PCDH15: variants seen among roughly 807,000 people sequenced by gnomAD.
The protein encoded by PCDH15 is protocadherin related 15, also known as protocadherin-15.
A neutral mutation model predicts 178.5 loss-of-function variants in PCDH15; 129 were observed. That is an observed-to-expected ratio of 0.72 (90% CI 0.63 to 0.84). The LOEUF (loss-of-function observed/expected upper bound fraction) is 0.84, where lower values mean the gene tolerates loss of function less well. Ranked by LOEUF, PCDH15 falls within the 40% of genes least tolerant of loss-of-function variation. PCDH15 has a pLI of 0.00. For synonymous variants in PCDH15, 800 were observed against 732.0 expected (o/e 1.09, Z -1.50); for missense variants, 2,230 against 2,099.9 (o/e 1.06, Z -1.21).
rs142063597 is a variant in PCDH15 at position 54,082,717 on chromosome 10, C to T, written c.1998-3293G>A. ...ATTCTTAGATATGACACCAGATGCA[C>T]GGGAAGCAAAGGAAAAAATAGATAT... On this transcript the variant is annotated intron_variant, in intron 16 of 37. Transcript: ENST00000644397. Among the ~76,000 whole-genome samples, 292 of 149,678 alleles carry T rather than the reference C, an allele frequency of 2.0e-3. 1 individual carries two copies. The highest frequency in any genetic ancestry group is 6.9e-3 in the African/African-American group (280 of 40,676).
intron 1 of PCDH15, among the ~76,000 whole-genome samples, chr10:55,204,978 T>C (rs923523323): frequency 1.4e-4 from 21 of 152,076 alleles, no homozygotes; most frequent in Admixed American, 8.5e-4. Flanking sequence ...CAGATTTTTC[T>C]ACACAAATTT....
intron 2 of PCDH15, among the ~76,000 whole-genome samples, chr10:55,013,340 A>AT (rs1420354641): frequency 1.3e-5 from 2 of 148,374 alleles, no homozygotes; most frequent in Admixed American, 6.7e-5. Context: ...TGTGTTGCCA[A>AT]TTTTTCCTAA....
upstream of PCDH15, among the ~76,000 whole-genome samples, chr10:54,802,235 T>C (rs916752205): frequency 6.6e-6 from 1 of 152,170 alleles, no homozygotes; most frequent in African/African-American, 2.4e-5. Flanking sequence ...CCTCCAGAAA[T>C]GTTGCCGTAT....
chr10:54,665,555 T>C (rs1011005640), intron 1 of PCDH15, among the ~76,000 whole-genome samples: 5 of 152,072 alleles, frequency 3.3e-5, no homozygotes, highest in Non-Finnish European at 5.9e-5. Flanking sequence ...TATTTAATAA[T>C]GTTTATTTGT....
At chr10:53,964,734 C>T (rs543117927) in intron 21 of PCDH15, among the ~76,000 whole-genome samples, 61 of 151,988 alleles carry the variant, frequency 4.0e-4, no homozygotes, top group African/African-American at 1.4e-3. Flanking sequence ...GTCAGTTCAC[C>T]CACTGAAGAT....
At chr10:54,366,677 A>ATT (rs199665450) in intron 5 of PCDH15, among the ~76,000 whole-genome samples, 7 of 99,010 alleles carry the variant, frequency 7.1e-5, no homozygotes, top group African/African-American at 3.0e-4. Context: ...CTAAATTTCT[A>ATT]TTTTTTTTTT....
At chr10:53,828,299 T>C (rs2076825219) in intron 31 of PCDH15, among the ~76,000 whole-genome samples, 2 of 151,290 alleles carry the variant, frequency 1.3e-5, no homozygotes, top group African/African-American at 4.8e-5. Flanking sequence ...TTGGATTTCC[T>C]GGACACTGAT....
In PCDH15 at chr10:54,153,133, T is replaced by A. The variant is rs767293097; in HGVS notation, c.1751A>T (p.Gln584Leu). 6 of 1,613,900 alleles carry A rather than the reference T, an allele frequency of 3.7e-6. No homozygotes were observed. In the South Asian group the frequency reaches 6.6e-5, roughly 18 times the overall value. ...TGCAGGAGGAGCATTATCCGCTGCT[T>A]GGACCGTGAGTGCGTAAGTCCGCCC... ...IVGRTYALTVQAADNAPPAER... is the reference protein window; with the variant it reads ...IVGRTYALTVLAADNAPPAER... Residue 584 changes from glutamine (Q) to leucine (L), a missense_variant, in exon 14 of 38, where the codon CAA becomes CTA. Physicochemically the swap from Gln to Leu is moderately radical, Grantham distance 113. Coordinates refer to ENST00000644397, the MANE Select transcript of PCDH15 (RefSeq NM_001384140.1).
chr10:55,472,679 C>T (rs1839986047), intron 2 of PCDH15, among the ~76,000 whole-genome samples: 2 of 152,180 alleles, frequency 1.3e-5, no homozygotes, highest in South Asian at 4.1e-4. Context: ...CGCCATTCTC[C>T]TGCCTCATCC....
At chr10:55,244,132 A>T (rs1347716895) in intron 1 of PCDH15, among the ~76,000 whole-genome samples, 1 of 152,088 alleles carries the variant, frequency 6.6e-6, no homozygotes, top group Non-Finnish European at 1.5e-5. Flanking sequence ...ATCTGGACCA[A>T]AATGGAATGT....
At chr10:54,399,115 T>C (rs1010661341) in intron 3 of PCDH15, among the ~76,000 whole-genome samples, 2 of 152,048 alleles carry the variant, frequency 1.3e-5, no homozygotes, top group African/African-American at 2.4e-5. Flanking sequence ...CATTTTCTTT[T>C]TAGAAACCAT....
intron 2 of PCDH15, among the ~76,000 whole-genome samples, chr10:55,626,949 A>G (rs542268831): frequency 6.6e-6 from 1 of 152,310 alleles, no homozygotes; most frequent in Admixed American, 6.5e-5. Context: ...ATGGAAAGAA[A>G]GAAAATGAGA....
chr10:55,582,628 A>ATATATATTTTTTTTTTT (rs780312007), intron 2 of PCDH15, among the ~76,000 whole-genome samples: 3 of 69,042 alleles, frequency 4.3e-5, no homozygotes, highest in Non-Finnish European at 7.4e-5. Context: ...ATATATATAT[A>ATATATATTTTTTTTTTT]TTTTTTTTTT....
At chr10:55,474,875 C>T (rs1840033081) in intron 2 of PCDH15, among the ~76,000 whole-genome samples, 1 of 152,116 alleles carries the variant, frequency 6.6e-6, no homozygotes, top group African/African-American at 2.4e-5. Context: ...ATACTCTCTA[C>T]CATGAATAAG....
In PCDH15 at chr10:55,338,734, C is replaced by T. The variant is rs1844469337; in HGVS notation, c.-155-172083G>A. Among the ~76,000 whole-genome samples, 3 of 152,102 alleles carry T rather than the reference C, an allele frequency of 2.0e-5. No individual in the cohort carries two copies. The South Asian group carries it at 6.2e-4, about 32-fold the overall frequency. The stretch of plus-strand genomic sequence containing the variant: ...ATGTTGCAGTGAGCCGAGACCATGT[C>T]ACTGCACTCCAGCTCAGGTGACAGA... On this transcript the variant is annotated intron_variant, in intron 2 of 5. Coordinates refer to the PCDH15 transcript ENST00000613346.
At chr10:54,016,116 C>T (rs908093116) in intron 20 of PCDH15, among the ~76,000 whole-genome samples, 19 of 152,008 alleles carry the variant, frequency 1.2e-4, no homozygotes, top group East Asian at 3.9e-4. Flanking sequence ...AAGATATGAA[C>T]GCACACTTTT....
At chr10:54,572,528 C>T (rs952171072) in intron 2 of PCDH15, among the ~76,000 whole-genome samples, 1 of 151,984 alleles carries the variant, frequency 6.6e-6, no homozygotes, top group Non-Finnish European at 1.5e-5. Flanking sequence ...ATTGTCATTC[C>T]CTGTTCAAAT....
intron 25 of PCDH15, among the ~76,000 whole-genome samples, chr10:53,914,444 A>T (rs1178269613): frequency 1.3e-5 from 2 of 152,220 alleles, no homozygotes; most frequent in Non-Finnish European, 2.9e-5. Flanking sequence ...ATAAAAAATG[A>T]TGAGTTCATG....
intron 18 of PCDH15, among the ~76,000 whole-genome samples, chr10:54,060,120 C>T (rs2093982691): frequency 6.6e-6 from 1 of 152,110 alleles, no homozygotes; most frequent in Non-Finnish European, 1.5e-5. Flanking sequence ...TGACTATATG[C>T]ATATATATGT....
Sources: gnomAD v4.1 joint callset for allele counts (sites outside exome capture counted in the v4.1 genomes callset) on GRCh38, gnomAD v4.1.1 for gene constraint, MANE v1.5 for transcripts, NCBI Gene and HGNC (gene_info 2026-07-23, HGNC 2026-07-21) for gene names.